OGFOD1: variants seen among roughly 807,000 people sequenced by gnomAD.
OGFOD1 encodes 2-oxoglutarate and iron dependent oxygenase domain containing 1.
In OGFOD1, 54 loss-of-function variants were observed where a neutral mutation model predicts 67.7. That is an observed-to-expected ratio of 0.80 (90% CI 0.64 to 1.00). OGFOD1 has a LOEUF of 1.00. Among genes scored for constraint, OGFOD1 ranks in the 50% least tolerant of loss-of-function variants. The probability of loss-of-function intolerance (pLI) is 0.00; values close to 1 mark genes in which losing one functional copy is unlikely to be tolerated. For synonymous variants in OGFOD1, 221 were observed against 227.0 expected (o/e 0.97, Z 0.24); for missense variants, 606 against 646.7 (o/e 0.94, Z 0.68).
rs1469802845 is a variant in OGFOD1 at position 56,477,208 on chromosome 16, G to C, written c.*1003G>C. On this transcript the variant is annotated 3_prime_UTR_variant, in exon 13 of 13. Transcript: ENST00000566157. The stretch of plus-strand genomic sequence containing the variant: ...ATAATTTCTGGTTTAGAAAATTATG[G>C]AGCCTTACATCCTGATCATGCTGGG... The C allele has an allele frequency of 6.6e-6, 1 of 152,134 alleles. No homozygotes were observed. Among genetic ancestry groups the C allele is most frequent in the Admixed American group, 6.5e-5 (1 of 15,276 alleles). The allele number at this position is 152,134 out of a possible 1,614,324, so 9.4% of individuals were successfully genotyped here. A position where few individuals can be genotyped will look rare whatever the true frequency, so the allele number is the denominator to read the frequency against.
intron 3 of OGFOD1, among the ~76,000 whole-genome samples, chr16:56,459,765 C>G (rs1185941830): frequency 6.6e-6 from 1 of 152,178 alleles, no homozygotes; most frequent in Non-Finnish European, 1.5e-5. Context: ...AATGGATTCA[C>G]ATCACGTGAT....
chr16:56,452,125 A>G (rs1167557624), intron 1 of OGFOD1: 1 of 201,386 alleles, frequency 5.0e-6, no homozygotes, highest in African/African-American at 2.3e-5. Flanking sequence ...TTCCTAAGTA[A>G]AATGGGATAG....
chr16:56,465,921 A>T (rs1437746560), intron 4 of OGFOD1: 2 of 376,720 alleles, frequency 5.3e-6, no homozygotes, highest in African/African-American at 4.1e-5. Context: ...ATTGTTAGCG[A>T]TTATATCTGG....
intron 7 of OGFOD1, among the ~76,000 whole-genome samples, 173 bp downstream of exon 7, chr16:56,467,466 A>C (rs1289167378): frequency 7.3e-6 from 1 of 137,860 alleles, no homozygotes; most frequent in Non-Finnish European, 1.5e-5. Flanking sequence ...TTGCTCCGTC[A>C]CCCAGGCTGG....
chr16:56,456,081 A>G (rs937000742), intron 2 of OGFOD1, among the ~76,000 whole-genome samples: 2 of 152,222 alleles, frequency 1.3e-5, no homozygotes, highest in African/African-American at 2.4e-5. Flanking sequence ...ACACTTGTCA[A>G]GATCACCCAT....
intron 4 of OGFOD1, among the ~76,000 whole-genome samples, chr16:56,464,202 T>C (rs1314732533): frequency 2.0e-5 from 3 of 152,118 alleles, no homozygotes; most frequent in Non-Finnish European, 2.9e-5. Flanking sequence ...GGCCATATAT[T>C]TTTGGCAGGA....
chr16:56,467,561 GGCTTACAGGT>G (rs1962959983), intron 7 of OGFOD1, among the ~76,000 whole-genome samples: 1 of 151,584 alleles, frequency 6.6e-6, no homozygotes, highest in Non-Finnish European at 1.5e-5. Context: ...TGAGTAGCTG[GGCTTACAGGT>G]GCCCACCACC....
chr16:56,474,927 T>G lies in OGFOD1; in HGVS notation c.1385T>G (p.Leu462Ter). Residue 462 changes from leucine (L) to a stop codon, truncating the protein, a stop_gained, in exon 11 of 13, where the codon TTA becomes TGA. Transcript: ENST00000566157. LOFTEE classifies it high-confidence loss of function. ...DHSKAEFALD[L>*]ILYCGCEGWE... ...AGCAAGGCTGAATTTGCCCTAGACTTAATTCTGTACTGTGGCTGTGAAGGT... is the reference window on the plus strand; with the variant it reads ...AGCAAGGCTGAATTTGCCCTAGACTGAATTCTGTACTGTGGCTGTGAAGGT... 1.2e-6 allele frequency: 2 copies of G among 1,614,004 alleles called. No individual in the cohort carries two copies. Among genetic ancestry groups the G allele is most frequent in the Non-Finnish European group, 1.7e-6 (2 of 1,179,902 alleles).
rs1482675093 is a variant in OGFOD1, at chr16:56,474,967, C to G, written c.1408+17C>G. 6.2e-7 allele frequency: 1 copy of G among 1,612,310 alleles called. No individual in the cohort carries two copies. The highest frequency in any genetic ancestry group is 8.5e-7 in the Non-Finnish European group (1 of 1,179,086). On this transcript the variant is annotated intron_variant, in intron 11 of 12. Transcript: ENST00000566157. ...GCTGTGAAGGTAAGAGGGAGGAAAG[C>G]AAGCGGTGGATTATTCCCCGTAGGA...
chr16:56,468,169 G>A (rs1346806948), intron 8 of OGFOD1, 151 bp downstream of exon 8: 1 of 605,232 alleles, frequency 1.7e-6, no homozygotes, highest in African/African-American at 1.9e-5. Context: ...TAGAAATGAT[G>A]ATAACACTAA....
rs1963489140 is a variant in OGFOD1, at chr16:56,476,625, TC to T, written c.*423del. The stretch of plus-strand genomic sequence containing the variant: ...ATCCATCTCCAGAAGTTTTCCATCT[TC>T]CCAAATTCTGTGCCCATTGAACAAT... On this transcript the variant is annotated 3_prime_UTR_variant, in exon 13 of 13. Transcript: ENST00000566157. 6.5e-6 allele frequency: 1 copy of T among 153,912 alleles called. No homozygotes were observed. Among genetic ancestry groups the T allele is most frequent in the African/African-American group, 2.4e-5 (1 of 41,570 alleles). The allele number at this position is 153,912 out of a possible 1,614,324, so 9.5% of individuals were successfully genotyped here.
At chr16:56,471,081 G>C (rs554070394) in intron 10 of OGFOD1, among the ~76,000 whole-genome samples, 1 of 152,050 alleles carries the variant, frequency 6.6e-6, no homozygotes, top group African/African-American at 2.4e-5. Context: ...GCCAGGTGCG[G>C]TGGCTTACAC....
intron 3 of OGFOD1, among the ~76,000 whole-genome samples, chr16:56,460,234 C>T (rs2143988366): frequency 6.6e-6 from 1 of 152,328 alleles, no homozygotes; most frequent in East Asian, 1.9e-4. Flanking sequence ...GGCTTACAGC[C>T]AGATGGTGAG....
chr16:56,476,033 G>T lies in OGFOD1; in HGVS notation c.1468-11G>T. The T allele has an allele frequency of 6.2e-7, 1 of 1,605,972 alleles. No homozygotes were observed. Among genetic ancestry groups the T allele is most frequent in the Non-Finnish European group, 8.5e-7 (1 of 1,176,560 alleles). On this transcript the variant is annotated splice_polypyrimidine_tract_variant and intron_variant, in intron 12 of 12. Transcript: ENST00000566157. ...TGTGTTCTGATGTGTCACTGTATTT[G>T]TCTTTTTCAGCTGCTAACAGTGAAT...
At chr16:56,467,083 A>G in intron 6 of OGFOD1, 82 bp from the exon 7 acceptor site, 4 of 1,590,402 alleles carry the variant, frequency 2.5e-6, no homozygotes, top group Non-Finnish European at 2.6e-6. Flanking sequence ...AATGCTTAGC[A>G]TGGAGGACCC....
At position 56,453,287 on chromosome 16, in the gene OGFOD1, C is replaced by CT; in HGVS notation, c.183dup (p.Leu62SerfsTer29). The CT allele has an allele frequency of 6.2e-7, 1 of 1,613,648 alleles. No homozygotes were observed. The highest frequency in any genetic ancestry group is 1.1e-5 in the South Asian group (1 of 90,952). ...GAAGTCATTGTCATGGACATGGACC[C>CT]TTTTCTTCACTGTGTGATCCCAAAC... On this transcript the variant is annotated frameshift_variant, in exon 2 of 13. Coordinates refer to ENST00000566157, the MANE Select transcript of OGFOD1 (RefSeq NM_018233.4). LOFTEE classifies it high-confidence loss of function.
At position 56,478,175 on chromosome 16, in the gene OGFOD1, T is replaced by C. The variant is rs1359403857; in HGVS notation, c.*1970T>C. The stretch of plus-strand genomic sequence containing the variant: ...TTGGAGACCACAATTTTTTTTGCGT[T>C]TGAGATGGAGTCTCACTCTGTGGCC... On this transcript the variant is annotated 3_prime_UTR_variant, in exon 13 of 13. Coordinates refer to ENST00000566157, the MANE Select transcript of OGFOD1 (RefSeq NM_018233.4). The C allele has an allele frequency of 6.6e-6, 1 of 152,134 alleles. No homozygotes were observed. Among genetic ancestry groups the C allele is most frequent in the Non-Finnish European group, 1.5e-5 (1 of 68,024 alleles). 9.4% of individuals were successfully genotyped at this position (152,134 alleles called of 1,614,324 possible). A position where few individuals can be genotyped will look rare whatever the true frequency, so the allele number is the denominator to read the frequency against.
intron 11 of OGFOD1, 120 bp downstream of exon 11, chr16:56,475,070 T>C: frequency 4.8e-6 from 5 of 1,040,998 alleles, no homozygotes; most frequent in South Asian, 3.1e-5. Flanking sequence ...TCTCACATCA[T>C]GGGATCTCAA....
In OGFOD1 at chr16:56,454,511, G is replaced by A. The variant is rs561472214; in HGVS notation, c.300+1103G>A. ...ACTATCTCTTTTTTTTTTTTTTTAA[G>A]TTTGGTTTTTCTACTCTGGAAGACA... On this transcript the variant is annotated intron_variant, in intron 2 of 12. Transcript: ENST00000566157. Among the ~76,000 whole-genome samples the A allele has an allele frequency of 7.6e-5, 10 of 131,268 alleles. No homozygotes were observed. In the East Asian group the frequency reaches 1.1e-3, roughly 15 times the overall value. The allele number at this position is 131,268 out of a possible 152,430, so 86.1% of individuals were successfully genotyped here. A position where few individuals can be genotyped will look rare whatever the true frequency, so the allele number is the denominator to read the frequency against.
Sources: gnomAD v4.1 joint callset for allele counts (sites outside exome capture counted in the v4.1 genomes callset) on GRCh38, gnomAD v4.1.1 for gene constraint, MANE v1.5 for transcripts, NCBI Gene and HGNC (gene_info 2026-07-23, HGNC 2026-07-21) for gene names.